Variants in TKT observed in about 807,000 individuals in gnomAD.
TKT encodes epididymis luminal protein 107.
Under a neutral mutation model 63.9 loss-of-function variants are expected in TKT, and 47 were observed. That is an observed-to-expected ratio of 0.74 (90% CI 0.58 to 0.94). TKT has a LOEUF of 0.94. TKT is among the 40% of genes least tolerant of loss of function. The pLI is 0.00. For missense variants in TKT, 721 were observed against 846.2 expected (o/e 0.85, Z 1.84); for synonymous variants, 338 against 334.1 (o/e 1.01, Z -0.13).
Position 53,241,336 on chromosome 3 carries a change from C to T in TKT, c.226-91G>A, listed in dbSNP as rs12487568. The T allele has an allele frequency of 8.3e-3, 9,314 of 1,119,538 alleles. 647 individuals are homozygous for T. In the Admixed American group the frequency reaches 0.14, roughly 17 times the overall value. 69.4% of individuals were successfully genotyped at this position (1,119,538 alleles called of 1,614,324 possible). A position where few individuals can be genotyped will look rare whatever the true frequency, so the allele number is the denominator to read the frequency against. On this transcript the variant is annotated intron_variant, in intron 2 of 13. Coordinates refer to ENST00000462138, the MANE Select transcript of TKT (RefSeq NM_001064.4). ...TTCACACTGACCCCTGGGGCCCGGC[C>T]GAGCCGGCCAACTGCAGCATCCATT...
intron 10 of TKT, 164 bp downstream of exon 10, chr3:53,228,843 T>G: frequency 1.1e-6 from 1 of 941,534 alleles, no homozygotes; most frequent in Non-Finnish European, 1.6e-6. Context: ...AAGTGGGGTG[T>G]GTATTTCGTT....
At chr3:53,228,949 C>T (rs752429464) in intron 10 of TKT, 58 bp downstream of exon 10, 1 of 1,603,998 alleles carries the variant, frequency 6.2e-7, no homozygotes, top group Non-Finnish European at 8.5e-7. Context: ...GCCTCCTCTT[C>T]TGTTTCCCTT....
chr3:53,236,153 G>T (rs3773743), intron 4 of TKT, among the ~76,000 whole-genome samples: 26,617 of 152,246 alleles, frequency 0.17, 2,437 homozygotes, highest in South Asian at 0.29. Flanking sequence ...CCAGTGTCTA[G>T]CTGTGTAGCC....
At chr3:53,240,075 G>A (rs1034181542) in intron 4 of TKT, among the ~76,000 whole-genome samples, 176 bp downstream of exon 4, 1 of 152,232 alleles carries the variant, frequency 6.6e-6, no homozygotes, top group African/African-American at 2.4e-5. Flanking sequence ...TTGTAAAGGG[G>A]GCCGGTCATG....
intron 12 of TKT, chr3:53,227,126 G>C: frequency 2.2e-6 from 1 of 460,608 alleles, no homozygotes; most frequent in Non-Finnish European, 3.9e-6. Flanking sequence ...AGAGCGGAGC[G>C]TGCAGGCCCT....
At chr3:53,242,327 G>T in intron 1 of TKT, 85 bp from the exon 2 acceptor site, 1 of 1,343,640 alleles carries the variant, frequency 7.4e-7, no homozygotes, top group Non-Finnish European at 1.1e-6. Flanking sequence ...GGACCTGGGG[G>T]TGCATGTCCT....
Position 53,235,052 on chromosome 3 carries a change from A to C in TKT, c.560T>G (p.Leu187Arg). 1.2e-6 allele frequency: 2 copies of C among 1,614,022 alleles called. No homozygotes were observed. Among genetic ancestry groups the C allele is most frequent in the Non-Finnish European group, 8.5e-7 (1 of 1,180,022 alleles). ...CAGTGGGGCCGGGTCACTCTGGCCC[A>C]GGCGATTGATGTCTAGAATGGCCAC... ...NLVAILDINRLGQSDPAPLQH... is the reference protein window; with the variant it reads ...NLVAILDINRRGQSDPAPLQH... Residue 187 changes from leucine (L) to arginine (R), a missense_variant, in exon 5 of 14, where the codon CTG becomes CGG. Physicochemically the swap from Leu to Arg is moderately radical, Grantham distance 102. Coordinates refer to ENST00000462138, the MANE Select transcript of TKT (RefSeq NM_001064.4).
intron 1 of TKT, among the ~76,000 whole-genome samples, chr3:53,245,792 A>G (rs1376679489): frequency 2.6e-5 from 4 of 152,222 alleles, no homozygotes; most frequent in East Asian, 1.9e-4. Context: ...CTAAAAAATA[A>G]TAACAATAAT....
At chr3:53,250,959 T>C (rs564342380) in intron 1 of TKT, among the ~76,000 whole-genome samples, 1 of 152,152 alleles carries the variant, frequency 6.6e-6, no homozygotes, top group Admixed American at 6.5e-5. Flanking sequence ...TTTGTAGAGA[T>C]GAGGTCTCAC....
intron 1 of TKT, among the ~76,000 whole-genome samples, chr3:53,243,968 C>T (rs1253436452): frequency 2.0e-5 from 3 of 152,220 alleles, no homozygotes; most frequent in Non-Finnish European, 4.4e-5. Context: ...CCCGGGGTGA[C>T]AGTCCCATTG....
intron 1 of TKT, among the ~76,000 whole-genome samples, chr3:53,247,627 C>T (rs549276475): frequency 8.5e-6 from 1 of 117,988 alleles, no homozygotes; most frequent in Admixed American, 9.3e-5. Flanking sequence ...GCAACAGACT[C>T]CACCTCAAAA....
At chr3:53,232,809 C>G (rs113123293) in intron 6 of TKT, 4 of 406,972 alleles carry the variant, frequency 9.8e-6, no homozygotes, top group African/African-American at 2.1e-5. Context: ...AGCAGGTGGC[C>G]GGAGCTGGCA....
intron 7 of TKT, among the ~76,000 whole-genome samples, chr3:53,230,991 G>A (rs1312410940): frequency 6.6e-6 from 1 of 152,234 alleles, no homozygotes; most frequent in Admixed American, 6.5e-5. Flanking sequence ...ACAGAAACCT[G>A]GAGTGGGACA....
chr3:53,231,660 A>ATTCCTCCCT, intron 6 of TKT, 110 bp from the exon 7 acceptor site: 2 of 1,188,224 alleles, frequency 1.7e-6, no homozygotes, highest in South Asian at 1.5e-5. Flanking sequence ...CAAGGGAGGA[A>ATTCCTCCCT]TGGCATCATC....
At chr3:53,227,675 GC>G in intron 12 of TKT, 1 of 211,846 alleles carries the variant, frequency 4.7e-6, no homozygotes, top group East Asian at 1.3e-4. Context: ...AGGGCAAGGG[GC>G]TAGTATCTCC....
chr3:53,247,675 C>T (rs1430202957), intron 1 of TKT, among the ~76,000 whole-genome samples: 1 of 150,370 alleles, frequency 6.7e-6, no homozygotes, highest in Non-Finnish European at 1.5e-5. Flanking sequence ...GAGAGAATCC[C>T]AGGATGTCAG....
chr3:53,237,259 G>A (rs1705071952), intron 4 of TKT, among the ~76,000 whole-genome samples: 5 of 151,956 alleles, frequency 3.3e-5, no homozygotes, highest in African/African-American at 7.3e-5. Context: ...GTGGTGGTGC[G>A]CGTCTGTAAT....
chr3:53,230,276 A>G (rs1305773013), intron 8 of TKT, among the ~76,000 whole-genome samples, 181 bp downstream of exon 8: 3 of 152,230 alleles, frequency 2.0e-5, no homozygotes, highest in Non-Finnish European at 4.4e-5. Flanking sequence ...GCACCTGGGC[A>G]GAACCTCCCA....
intron 4 of TKT, chr3:53,235,613 G>C (rs1394476496): frequency 6.5e-6 from 1 of 154,492 alleles, no homozygotes; most frequent in African/African-American, 2.4e-5. Context: ...TGGGAAAGGG[G>C]AACCTTGGGA....
Sources: allele counts gnomAD v4.1 joint callset (sites outside exome capture counted in the v4.1 genomes callset), GRCh38; gene constraint gnomAD v4.1.1; transcripts MANE v1.5; gene names NCBI Gene and HGNC (gene_info 2026-07-23, HGNC 2026-07-21).